Variants in FHIP1A observed in about 807,000 individuals in gnomAD.
FHIP1A encodes FHF complex subunit HOOK interacting protein 1A, also known as FHF complex subunit HOOK-interacting protein 1A.
Under a neutral mutation model 88.6 loss-of-function variants are expected in FHIP1A, and 61 were observed. The observed-to-expected ratio is 0.69, with a 90% CI of 0.56 to 0.85. FHIP1A has a LOEUF of 0.85. FHIP1A is among the 40% of genes least tolerant of loss of function. The probability of loss-of-function intolerance (pLI) is 0.00; values close to 1 mark genes in which losing one functional copy is unlikely to be tolerated. For missense variants in FHIP1A, 1,154 were observed against 1,273.5 expected (o/e 0.91, Z 1.43); for synonymous variants, 478 against 496.0 (o/e 0.96, Z 0.48).
At chr4:151,484,448 G>A (rs1404319359) in intron 3 of FHIP1A, among the ~76,000 whole-genome samples, 1 of 152,174 alleles carries the variant, frequency 6.6e-6, no homozygotes, top group Non-Finnish European at 1.5e-5. Flanking sequence ...ATATGTAAAA[G>A]GGAAGGCCTG....
chr4:151,587,474 G>T (rs1734262544), intron 6 of FHIP1A, among the ~76,000 whole-genome samples: 1 of 151,458 alleles, frequency 6.6e-6, no homozygotes, highest in African/African-American at 2.4e-5. Context: ...CTTAATATTA[G>T]ATTTATTAAG....
At chr4:151,566,032 G>A in intron 3 of FHIP1A, 106 bp from the exon 4 acceptor site, 1 of 347,892 alleles carries the variant, frequency 2.9e-6, no homozygotes. Flanking sequence ...ATTTTTTTCT[G>A]TGTTGGACTT....
intron 3 of FHIP1A, among the ~76,000 whole-genome samples, chr4:151,541,508 G>A (rs1732291089): frequency 6.6e-6 from 1 of 152,160 alleles, no homozygotes; most frequent in Non-Finnish European, 1.5e-5. Context: ...GCTCCTGCAT[G>A]CCAAGTACTG....
chr4:151,584,217 C>G (rs893127320), intron 5 of FHIP1A, among the ~76,000 whole-genome samples: 1 of 152,144 alleles, frequency 6.6e-6, no homozygotes, highest in Admixed American at 6.5e-5. Context: ...TATGGTCTCT[C>G]CATGTTAACA....
chr4:151,603,483 T>C (rs1391322403), intron 7 of FHIP1A, among the ~76,000 whole-genome samples: 3 of 152,128 alleles, frequency 2.0e-5, no homozygotes, highest in African/African-American at 7.2e-5. Context: ...TTTCCCTAAA[T>C]GTGGGCATGC....
In FHIP1A at chr4:151,494,719, A is replaced by G. The variant is rs568843821; in HGVS notation, c.-123+12071A>G. ...TAATTTTATGAAGAATGTCATTGGT[A>G]GTTTGACAGGAATAGCATTGAATCT... On this transcript the variant is annotated intron_variant, in intron 3 of 13. Transcript: ENST00000435205. 3.3e-5 allele frequency among the ~76,000 whole-genome samples: 5 copies of G among 152,318 alleles called. No homozygotes were observed. The South Asian group carries it at 8.3e-4, about 25-fold the overall frequency.
At chr4:151,436,939 A>G (rs934748517) in intron 1 of FHIP1A, among the ~76,000 whole-genome samples, 2 of 152,186 alleles carry the variant, frequency 1.3e-5, no homozygotes, top group Non-Finnish European at 2.9e-5. Flanking sequence ...ATTACTTATA[A>G]TACCTAATAC....
chr4:151,620,533 G>A (rs1578827315), intron 7 of FHIP1A, among the ~76,000 whole-genome samples: 2 of 151,990 alleles, frequency 1.3e-5, no homozygotes, highest in South Asian at 4.1e-4. Context: ...TTCTTGCCTG[G>A]TTTTATATTT....
chr4:151,541,912 G>A lies in FHIP1A; in HGVS notation c.-122-24226G>A, dbSNP rs538890822. 3.3e-5 allele frequency among the ~76,000 whole-genome samples: 5 copies of A among 152,248 alleles called. No individual in the cohort carries two copies. The South Asian group carries it at 1.0e-3, about 32-fold the overall frequency. ...TTTTCGGTCATCAAGCATTGCTTAT[G>A]CAGAGTACAATTGAGACAGCCAAGT... On this transcript the variant is annotated intron_variant, in intron 3 of 13. Transcript: ENST00000435205.
intron 11 of FHIP1A, among the ~76,000 whole-genome samples, chr4:151,651,236 C>T (rs992748182): frequency 8.5e-5 from 13 of 152,188 alleles, no homozygotes; most frequent in Non-Finnish European, 1.6e-4. Flanking sequence ...CACTACCAGC[C>T]ACAGGTAGAA....
chr4:151,491,892 T>TA, intron 3 of FHIP1A, among the ~76,000 whole-genome samples: 1 of 152,064 alleles, frequency 6.6e-6, no homozygotes, highest in Middle Eastern at 3.4e-3. Flanking sequence ...CAACAACAGT[T>TA]AAAAAGGACA....
chr4:151,419,504 A>G (rs945115317), intron 1 of FHIP1A, among the ~76,000 whole-genome samples: 2 of 147,282 alleles, frequency 1.4e-5, no homozygotes, highest in African/African-American at 2.5e-5. Context: ...TTCTCAGGGC[A>G]TTTATGATCT....
At chr4:151,539,261 G>A (rs905930666) in intron 3 of FHIP1A, among the ~76,000 whole-genome samples, 2 of 152,156 alleles carry the variant, frequency 1.3e-5, no homozygotes, top group African/African-American at 2.4e-5. Flanking sequence ...ACTAGCTTTT[G>A]AGAATACAAC....
chr4:151,477,219 A>T (rs1729739017), intron 2 of FHIP1A, among the ~76,000 whole-genome samples: 1 of 152,208 alleles, frequency 6.6e-6, no homozygotes, highest in South Asian at 2.1e-4. Context: ...AAACATTGGT[A>T]TTGCCAGATA....
At chr4:151,467,129 A>G (rs1266948765) in intron 2 of FHIP1A, among the ~76,000 whole-genome samples, 3 of 152,270 alleles carry the variant, frequency 2.0e-5, no homozygotes, top group Non-Finnish European at 4.4e-5. Context: ...AAATAAATTT[A>G]CAAGAAAAAA....
intron 7 of FHIP1A, among the ~76,000 whole-genome samples, chr4:151,604,863 CTAATAA>C (rs1578807757): frequency 4.0e-5 from 6 of 151,342 alleles, no homozygotes; most frequent in African/African-American, 2.4e-5. Flanking sequence ...AAAAAAAATA[CTAATAA>C]TAATAATAAA....
chr4:151,521,836 C>G (rs992694820), intron 3 of FHIP1A, among the ~76,000 whole-genome samples: 2 of 152,088 alleles, frequency 1.3e-5, no homozygotes, highest in African/African-American at 4.8e-5. Flanking sequence ...GTGATCCTCC[C>G]ACCTCACCCT....
chr4:151,613,654 G>T (rs1329308043), intron 7 of FHIP1A, among the ~76,000 whole-genome samples: 1 of 152,232 alleles, frequency 6.6e-6, no homozygotes, highest in African/African-American at 2.4e-5. Flanking sequence ...GTGTAGTGTA[G>T]TTGTACTTGA....
chr4:151,437,787 A>C (rs1728257568), intron 1 of FHIP1A, among the ~76,000 whole-genome samples: 1 of 152,214 alleles, frequency 6.6e-6, no homozygotes, highest in South Asian at 2.1e-4. Flanking sequence ...AGCCTATTGA[A>C]ATGAAGATGA....
Sources: allele counts gnomAD v4.1 joint callset (sites outside exome capture counted in the v4.1 genomes callset), GRCh38; gene constraint gnomAD v4.1.1; transcripts MANE v1.5; gene names NCBI Gene and HGNC (gene_info 2026-07-23, HGNC 2026-07-21).